Variants in CDIN1 observed in about 807,000 individuals in gnomAD.
CDIN1 encodes CDAN1 interacting nuclease 1.
In CDIN1, 33 loss-of-function variants were observed where a neutral mutation model predicts 45.3. That is an observed-to-expected ratio of 0.73 (90% CI 0.55 to 0.97). The LOEUF (loss-of-function observed/expected upper bound fraction) is 0.97, where lower values mean the gene tolerates loss of function less well. CDIN1 is among the 50% of genes least tolerant of loss of function. The pLI is 0.00. For synonymous variants in CDIN1, 118 were observed against 124.4 expected (o/e 0.95, Z 0.34); for missense variants, 303 against 339.4 (o/e 0.89, Z 0.84).
chr15:36,800,901 GTGTGTGTGTATA>G (rs2055005960), intron 10 of CDIN1, among the ~76,000 whole-genome samples: 1 of 22,380 alleles, frequency 4.5e-5, no homozygotes, highest in Non-Finnish European at 9.3e-5. Context: ...GTGTGTGTGT[GTGTGTGTGTATA>G]TATATATATA....
chr15:36,721,335 G>A (rs2043409837), intron 10 of CDIN1, among the ~76,000 whole-genome samples: 1 of 152,072 alleles, frequency 6.6e-6, no homozygotes, highest in African/African-American at 2.4e-5. Context: ...ATTTACTTCT[G>A]AGCACTGTTG....
chr15:36,683,091 G>A (rs1275181973), intron 5 of CDIN1, among the ~76,000 whole-genome samples: 3 of 152,208 alleles, frequency 2.0e-5, no homozygotes, highest in Non-Finnish European at 4.4e-5. Flanking sequence ...AGATGTTACT[G>A]ATAAAGATTA....
chr15:36,703,219 A>AATATATATAT lies in CDIN1; in HGVS notation c.544+5834_544+5843dup, dbSNP rs71126233. Among the ~76,000 whole-genome samples, 56 of 57,378 alleles carry AATATATATAT rather than the reference A, an allele frequency of 9.8e-4. 14 individuals carry two copies. The highest frequency in any genetic ancestry group is 1.1e-3 in the South Asian group (2 of 1,808). 37.6% of individuals were successfully genotyped at this position (57,378 alleles called of 152,430 possible). On this transcript the variant is annotated intron_variant, in intron 8 of 10. Transcript: ENST00000566621. ...GGCAATAGAGTGAGACCCTGTCTCA[A>AATATATATAT]ATATATATATATATCAGATATATAT... is the stretch of plus-strand genomic sequence containing the variant.
chr15:36,746,987 G>A lies in CDIN1; in HGVS notation c.716+37026G>A, dbSNP rs556944465. The A allele has an allele frequency of 2.5e-5, 10 of 398,126 alleles. No homozygotes were observed. The South Asian group carries it at 3.8e-4, about 15-fold the overall frequency. 24.7% of individuals were successfully genotyped at this position (398,126 alleles called of 1,614,324 possible). A position where few individuals can be genotyped will look rare whatever the true frequency, so the allele number is the denominator to read the frequency against. ...CTGGTGTGGAACTCCTGGGCTCAGC[G>A]ATTCTTCTGCCTCAGCCACCCAAAG... On this transcript the variant is annotated intron_variant, in intron 10 of 10. Coordinates refer to ENST00000566621, the MANE Select transcript of CDIN1 (RefSeq NM_001321759.2).
intron 8 of CDIN1, among the ~76,000 whole-genome samples, chr15:36,701,048 T>C (rs2042612077): frequency 6.6e-6 from 1 of 151,962 alleles, no homozygotes; most frequent in South Asian, 2.1e-4. Flanking sequence ...CCAGCTTGGG[T>C]GACAGAGTGA....
chr15:36,625,796 C>T (rs868553216), intron 1 of CDIN1, among the ~76,000 whole-genome samples: 18 of 152,156 alleles, frequency 1.2e-4, no homozygotes, highest in African/African-American at 4.1e-4. Context: ...TAAGGATCCC[C>T]AGTGCCTTAG....
intron 5 of CDIN1, among the ~76,000 whole-genome samples, chr15:36,682,343 C>T (rs1330528405): frequency 6.6e-6 from 1 of 152,128 alleles, no homozygotes; most frequent in Non-Finnish European, 1.5e-5. Flanking sequence ...AGAATTCTGT[C>T]TTACTCAGCC....
intron 8 of CDIN1, among the ~76,000 whole-genome samples, chr15:36,704,112 T>C (rs2042777318): frequency 6.6e-6 from 1 of 152,202 alleles, no homozygotes; most frequent in African/African-American, 2.4e-5. Context: ...TCTTTGCTCA[T>C]ATTCGTGTCC....
chr15:36,694,374 A>T (rs1344402784), intron 7 of CDIN1, among the ~76,000 whole-genome samples: 1 of 152,200 alleles, frequency 6.6e-6, no homozygotes, highest in African/African-American at 2.4e-5. Context: ...TAATATTTAC[A>T]TTGCTTACTC....
At chr15:36,805,858 C>G (rs1342586411) in intron 10 of CDIN1, among the ~76,000 whole-genome samples, 3 of 152,054 alleles carry the variant, frequency 2.0e-5, no homozygotes, top group Non-Finnish European at 4.4e-5. Context: ...AACTTGTCAC[C>G]CTCTAAAGTC....
intron 7 of CDIN1, among the ~76,000 whole-genome samples, chr15:36,692,971 C>T (rs74008747): frequency 0.037 from 5,587 of 152,016 alleles, 170 homozygotes; most frequent in African/African-American, 0.089. Context: ...AATTTCTATC[C>T]GAGTCCATGA....
At chr15:36,617,969 A>C (rs1470100617) in intron 1 of CDIN1, 2 of 768,630 alleles carry the variant, frequency 2.6e-6, no homozygotes, top group African/African-American at 1.7e-5. Context: ...TAGTCAGCCC[A>C]TTCAGACTCA....
chr15:36,635,050 A>G (rs537616151), intron 1 of CDIN1, among the ~76,000 whole-genome samples: 2 of 152,342 alleles, frequency 1.3e-5, no homozygotes, highest in East Asian at 3.9e-4. Context: ...GACAAAGTTT[A>G]GAGATGAGGG....
chr15:36,735,039 A>T (rs1348401144), intron 10 of CDIN1, among the ~76,000 whole-genome samples: 1 of 152,168 alleles, frequency 6.6e-6, no homozygotes, highest in Non-Finnish European at 1.5e-5. Context: ...TCTCAGTTTA[A>T]ATTATTATTC....
chr15:36,703,259 T>C (rs1484390923), intron 8 of CDIN1, among the ~76,000 whole-genome samples: 1 of 90,608 alleles, frequency 1.1e-5, no homozygotes, highest in Non-Finnish European at 2.3e-5. Context: ...CAGAAAGGGA[T>C]ATATATATCT....
chr15:36,800,909 G>GTGTGTTTATATATATATA, intron 10 of CDIN1, among the ~76,000 whole-genome samples: 1 of 22,390 alleles, frequency 4.5e-5, no homozygotes, highest in South Asian at 4.3e-3. Context: ...GTGTGTGTGT[G>GTGTGTTTATATATATATA]TATATATATA....
At chr15:36,609,572 A>G (rs988074904) in intron 1 of CDIN1, among the ~76,000 whole-genome samples, 1 of 152,112 alleles carries the variant, frequency 6.6e-6, no homozygotes, top group Non-Finnish European at 1.5e-5. Flanking sequence ...TTGAGAAAAA[A>G]CTTAAACTCA....
intron 3 of CDIN1, among the ~76,000 whole-genome samples, chr15:36,646,480 C>A (rs1469192385): frequency 7.5e-6 from 1 of 133,792 alleles, no homozygotes; most frequent in Non-Finnish European, 1.6e-5. Flanking sequence ...CCTCTCTAAA[C>A]AAGACTTTGT....
intron 10 of CDIN1, among the ~76,000 whole-genome samples, chr15:36,718,186 C>A (rs1056642941): frequency 6.6e-6 from 1 of 152,032 alleles, no homozygotes; most frequent in East Asian, 1.9e-4. Context: ...TGTTCATATA[C>A]GTGTGGGCCT....
Sources: gnomAD v4.1 joint callset for allele counts (sites outside exome capture counted in the v4.1 genomes callset) on GRCh38, gnomAD v4.1.1 for gene constraint, MANE v1.5 for transcripts, NCBI Gene and HGNC (gene_info 2026-07-23, HGNC 2026-07-21) for gene names.